The following CASP6 variants were observed in gnomAD, a reference collection of about 807,000 sequenced individuals.
The protein encoded by CASP6 is caspase-6.
In CASP6, 20 loss-of-function variants were observed where a neutral mutation model predicts 31.8. The ratio of observed to expected loss-of-function variants is 0.63; its 90% CI spans 0.44 to 0.91. CASP6 has a LOEUF of 0.91. Ranked by LOEUF, CASP6 falls within the 40% of genes least tolerant of loss-of-function variation. The pLI, the probability that CASP6 is intolerant of heterozygous loss-of-function variation, is 0.00. For synonymous variants in CASP6, 130 were observed against 127.8 expected, an observed-to-expected ratio of 1.02 and a Z score of -0.12; for missense variants, 328 against 361.1, an observed-to-expected ratio of 0.91 and a Z score of 0.74.
the CASP6 span, among the ~76,000 whole-genome samples, chr4:109,680,449 G>T: frequency 6.6e-6 from 1 of 152,022 alleles, no homozygotes; most frequent in African/African-American, 2.4e-5. Context: ...GTTCACGCTG[G>T]ACCCTATTGC....
the CASP6 span, among the ~76,000 whole-genome samples, chr4:109,670,719 CAAA>C: frequency 8.0e-6 from 1 of 125,088 alleles, no homozygotes. Flanking sequence ...ACTCTGTCTC[CAAA>C]AAAAAAAAAG....
At chr4:109,688,170 C>G, downstream of CASP6, 1 of 152,186 alleles carries the variant, frequency 6.6e-6, no homozygotes, top group East Asian at 1.9e-4. Context: ...GCTTTTGAAC[C>G]TGCAAATCAC....
the CASP6 span, chr4:109,674,167 A>T: frequency 2.1e-6 from 2 of 933,798 alleles, no homozygotes; most frequent in East Asian, 4.8e-5. Flanking sequence ...CTTTAGTTAG[A>T]CGTCTCATTA....
intron 1 of CASP6, among the ~76,000 whole-genome samples, chr4:109,699,396 T>G (rs766967261): frequency 6.6e-6 from 1 of 151,964 alleles, no homozygotes; most frequent in Non-Finnish European, 1.5e-5. Flanking sequence ...TGATCTAACC[T>G]CACTTCTCCT....
At chr4:109,700,301 T>A (rs970486686) in intron 1 of CASP6, among the ~76,000 whole-genome samples, 1 of 152,218 alleles carries the variant, frequency 6.6e-6, no homozygotes, top group Admixed American at 6.5e-5. Context: ...CTCACATTAG[T>A]CAAGACCTAC....
the CASP6 span, among the ~76,000 whole-genome samples, chr4:109,673,022 GAAATT>G: frequency 6.6e-6 from 1 of 152,100 alleles, no homozygotes; most frequent in African/African-American, 2.4e-5. Flanking sequence ...CAAGAAAAAA[GAAATT>G]AAAATGAATC....
In CASP6 at chr4:109,688,732, T is replaced by TAAATCAGCTA; in HGVS notation, c.*588_*597dup. Reference sequence around the variant, plus strand: ...TATAAAAAAGTGACAAAATACAAGTTAAATCAGCTAGATTTTTGTGTAACC... The same window carrying TAAATCAGCTA: ...TATAAAAAAGTGACAAAATACAAGTTAAATCAGCTAAAATCAGCTAGATTTTTGTGTAACC... On this transcript the variant is annotated 3_prime_UTR_variant, in exon 7 of 7. Transcript: ENST00000265164. 1 of 152,180 alleles carries TAAATCAGCTA rather than the reference T, an allele frequency of 6.6e-6. No homozygotes were observed. Among genetic ancestry groups the TAAATCAGCTA allele is most frequent in the East Asian group, 1.9e-4 (1 of 5,202 alleles). 9.4% of individuals were successfully genotyped at this position (152,180 alleles called of 1,614,324 possible).
intron 1 of CASP6, among the ~76,000 whole-genome samples, chr4:109,701,904 C>A (rs1202614131): frequency 6.6e-6 from 1 of 152,176 alleles, no homozygotes; most frequent in Non-Finnish European, 1.5e-5. Context: ...CCCCACGCAG[C>A]CCCTCCCACC....
intron 6 of CASP6, among the ~76,000 whole-genome samples, chr4:109,689,774 T>A (rs1291615974): frequency 6.6e-6 from 1 of 152,216 alleles, no homozygotes; most frequent in Admixed American, 6.5e-5. Flanking sequence ...TACACGGGGT[T>A]AATTCTGTAT....
At chr4:109,667,637 ATT>A in the CASP6 span, among the ~76,000 whole-genome samples, 1 of 150,216 alleles carries the variant, frequency 6.7e-6, no homozygotes, top group African/African-American at 2.4e-5. Context: ...TGTAGAGTAT[ATT>A]ATATACTCTA....
the CASP6 span, chr4:109,682,968 C>T: frequency 7.3e-6 from 3 of 411,432 alleles, no homozygotes; most frequent in East Asian, 9.1e-5. Context: ...CTTGAGCTCA[C>T]GTGGCCTGTG....
downstream of CASP6, among the ~76,000 whole-genome samples, chr4:109,685,608 GTAAAA>G (rs1170886627): frequency 1.3e-5 from 2 of 152,128 alleles, no homozygotes; most frequent in East Asian, 1.9e-4. Flanking sequence ...ACTTGAGATA[GTAAAA>G]TAAAAGTTTT....
At chr4:109,682,557 T>C in the CASP6 span, 2 of 1,582,268 alleles carry the variant, frequency 1.3e-6, no homozygotes, top group East Asian at 4.5e-5. Flanking sequence ...GGTGACTGGC[T>C]TGTTTCCCTT....
upstream of CASP6, chr4:109,703,460 G>GGCCCC (rs1431524702): frequency 1.1e-5 from 17 of 1,572,550 alleles, no homozygotes; most frequent in Admixed American, 1.8e-5. Context: ...TCCCGGGCCC[G>GGCCCC]GCCCCGCCCT....
At chr4:109,686,279 T>C (rs892370793), downstream of CASP6, among the ~76,000 whole-genome samples, 1 of 152,064 alleles carries the variant, frequency 6.6e-6, no homozygotes, top group Non-Finnish European at 1.5e-5. Context: ...GCTGTGATTA[T>C]AGGCGCCCGC....
At chr4:109,684,238 A>G (rs996755680), downstream of CASP6, among the ~76,000 whole-genome samples, 91 of 151,616 alleles carry the variant, frequency 6.0e-4, no homozygotes, top group African/African-American at 2.1e-3. Flanking sequence ...AATTTTTTGT[A>G]TTTTTAGTAG....
Position 109,697,613 on chromosome 4 carries a change from A to C in CASP6, c.230+9T>G. The C allele has an allele frequency of 2.5e-6, 4 of 1,598,610 alleles. No homozygotes were observed. Among genetic ancestry groups the C allele is most frequent in the Non-Finnish European group, 3.4e-6 (4 of 1,174,496 alleles). On this transcript the variant is annotated intron_variant, in intron 3 of 6. Transcript: ENST00000265164. ...CTGCCTCATCTTGATAGGTAGATAA[A>C]ACTACTACCTGCGGGTAAGATTGTC...
chr4:109,672,029 T>G, the CASP6 span, among the ~76,000 whole-genome samples: 1 of 152,008 alleles, frequency 6.6e-6, no homozygotes, highest in African/African-American at 2.4e-5. Flanking sequence ...CCTGTTAATG[T>G]AGTGGTAAGA....
At chr4:109,680,790 C>T in the CASP6 span, among the ~76,000 whole-genome samples, 2 of 152,204 alleles carry the variant, frequency 1.3e-5, no homozygotes, top group African/African-American at 4.8e-5. Context: ...TCTCTCTTGT[C>T]TGCAGTTGTT....
Sources: gnomAD v4.1 joint callset for allele counts (sites outside exome capture counted in the v4.1 genomes callset) on GRCh38, gnomAD v4.1.1 for gene constraint, MANE v1.5 for transcripts, NCBI Gene and HGNC (gene_info 2026-07-23, HGNC 2026-07-21) for gene names.